The following KATNAL2 variants were observed in gnomAD, a reference collection of about 807,000 sequenced individuals.
KATNAL2 encodes the protein katanin catalytic subunit A1 like 2, also known as katanin p60 ATPase-containing subunit A-like 2.
Under a neutral mutation model 76.3 loss-of-function variants are expected in KATNAL2, and 52 were observed. The observed-to-expected ratio is 0.68, with a 90% CI of 0.55 to 0.86. The LOEUF is 0.86. KATNAL2 is among the 40% of genes least tolerant of loss of function. KATNAL2 has a pLI of 0.00. For missense variants in KATNAL2, 660 were observed against 668.9 expected, an observed-to-expected ratio of 0.99 and a Z score of 0.15; for synonymous variants, 243 against 244.2, an observed-to-expected ratio of 1.00 and a Z score of 0.05.
At chr18:47,098,481 C>G (rs550475620) in intron 15 of KATNAL2, 1 of 161,762 alleles carries the variant, frequency 6.2e-6, no homozygotes, top group East Asian at 1.8e-4. Context: ...GTGGTGGAAA[C>G]TGCTCACGAT....
At position 46,946,321 on chromosome 18, in the gene KATNAL2, C is replaced by A. The variant is rs1208455082; in HGVS notation, c.-245C>A. On this transcript the variant is annotated 5_prime_UTR_variant, in exon 2 of 18. Transcript: ENST00000683218. ...GAGGAGAAGGGGAAGTTTGGTGATG[C>A]ACAGTTTGCATCCCAGAAGGCTCTT... 1 of 1,037,554 alleles carries A rather than the reference C, an allele frequency of 9.6e-7. No homozygotes were observed. The highest frequency in any genetic ancestry group is 3.3e-5 in the South Asian group (1 of 29,994). 64.3% of individuals were successfully genotyped at this position (1,037,554 alleles called of 1,614,324 possible).
At chr18:47,095,835 T>C (rs1289041804) in intron 15 of KATNAL2, among the ~76,000 whole-genome samples, 2 of 152,196 alleles carry the variant, frequency 1.3e-5, no homozygotes, top group Non-Finnish European at 1.5e-5. Context: ...GAAGAAACCA[T>C]CTGAAGCAAA....
At chr18:46,949,899 G>A (rs2059498983) in intron 3 of KATNAL2, among the ~76,000 whole-genome samples, 1 of 152,158 alleles carries the variant, frequency 6.6e-6, no homozygotes, top group African/African-American at 2.4e-5. Context: ...CCAATGATCA[G>A]GGTGATTTTC....
chr18:46,925,372 G>A (rs1185307862), intron 1 of KATNAL2, among the ~76,000 whole-genome samples: 2 of 152,156 alleles, frequency 1.3e-5, no homozygotes, highest in South Asian at 2.1e-4. Flanking sequence ...CTGTTTATAT[G>A]TTGGATTACA....
intron 1 of KATNAL2, among the ~76,000 whole-genome samples, chr18:46,929,299 A>G (rs990564672): frequency 1.3e-5 from 2 of 151,492 alleles, no homozygotes; most frequent in African/African-American, 4.8e-5. Context: ...CTGGAGTGCA[A>G]TGGCATGATC....
At chr18:47,084,847 TAAAAAAAAA>T (rs34034453) in intron 15 of KATNAL2, among the ~76,000 whole-genome samples, 8 of 25,534 alleles carry the variant, frequency 3.1e-4, no homozygotes, top group South Asian at 2.2e-3. Context: ...AGACTCTGTC[TAAAAAAAAA>T]AAAAAAAAAA....
chr18:47,025,500 T>G lies in KATNAL2; in HGVS notation c.52-20957T>G, dbSNP rs1420572005. Among the ~76,000 whole-genome samples the G allele has an allele frequency of 2.5e-4, 38 of 151,848 alleles. No homozygotes were observed. The South Asian group carries it at 7.6e-3, about 31-fold the overall frequency. ...TCACATGACTTTCTCTCTCTCTCTC[T>G]CAGTGTGTGTGTGTGTGTGTGTGTG... On this transcript the variant is annotated intron_variant, in intron 3 of 17. Transcript: ENST00000683218.
intron 3 of KATNAL2, among the ~76,000 whole-genome samples, chr18:47,037,225 A>G (rs1222116942): frequency 1.3e-5 from 2 of 152,228 alleles, no homozygotes; most frequent in African/African-American, 4.8e-5. Flanking sequence ...TTTCCTAAAT[A>G]TCTTCTGGGT....
At position 47,051,791 on chromosome 18, in the gene KATNAL2, T is replaced by C. The variant is rs149273642; in HGVS notation, c.123-1089T>C. On this transcript the variant is annotated intron_variant, in intron 4 of 17. Transcript: ENST00000683218. The stretch of plus-strand genomic sequence containing the variant: ...CTTTTAAGAAAGTTCAGGCTAGGCA[T>C]AGTGGCTCACACCTGTAATCCCAAC... 1.2e-3 allele frequency among the ~76,000 whole-genome samples: 178 copies of C among 152,218 alleles called. No individual in the cohort carries two copies. The Middle Eastern group carries it at 0.017, about 15-fold the overall frequency.
chr18:47,055,136 G>C (rs1030657883), intron 6 of KATNAL2, among the ~76,000 whole-genome samples: 3 of 151,912 alleles, frequency 2.0e-5, no homozygotes, highest in African/African-American at 7.3e-5. Flanking sequence ...CATTCCTCTC[G>C]CCCCACTCCC....
In KATNAL2 at chr18:46,947,444, A is replaced by G. The variant is rs532471052; in HGVS notation, c.51+521A>G. Among the ~76,000 whole-genome samples, 8 of 152,094 alleles carry G rather than the reference A, an allele frequency of 5.3e-5. No homozygotes were observed. The South Asian group carries it at 1.7e-3, about 31-fold the overall frequency. On this transcript the variant is annotated intron_variant, in intron 3 of 17. Coordinates refer to ENST00000683218, the MANE Select transcript of KATNAL2 (RefSeq NM_001387690.1). ...GTAATCTTTTTCACACGAAGATTACATGAGCTCTACAATACATTAAGTGGT... is the reference window on the plus strand; with the variant it reads ...GTAATCTTTTTCACACGAAGATTACGTGAGCTCTACAATACATTAAGTGGT...
chr18:47,095,836 C>A (rs551439434), intron 15 of KATNAL2, among the ~76,000 whole-genome samples: 9 of 152,322 alleles, frequency 5.9e-5, no homozygotes, highest in Admixed American at 3.3e-4. Context: ...AAGAAACCAT[C>A]TGAAGCAAAG....
At chr18:47,049,741 G>C (rs2061281779) in intron 4 of KATNAL2, among the ~76,000 whole-genome samples, 1 of 152,002 alleles carries the variant, frequency 6.6e-6, no homozygotes, top group South Asian at 2.1e-4. Context: ...TTGGAGACAG[G>C]GTCTCACCTA....
At chr18:46,950,935 C>T (rs907055867) in intron 3 of KATNAL2, among the ~76,000 whole-genome samples, 63 of 152,172 alleles carry the variant, frequency 4.1e-4, no homozygotes, top group African/African-American at 1.4e-3. Flanking sequence ...CTGCCTGCCT[C>T]GGCCTCCCAA....
chr18:46,921,133 G>T (rs2058515944), intron 1 of KATNAL2, among the ~76,000 whole-genome samples: 1 of 152,062 alleles, frequency 6.6e-6, no homozygotes. Context: ...TTTTGTTTCT[G>T]TTTTTGCTTT....
At chr18:47,076,594 C>T (rs796067068) in intron 14 of KATNAL2, 4 of 152,108 alleles carry the variant, frequency 2.6e-5, no homozygotes, top group African/African-American at 9.6e-5. Context: ...GGTTCTGCCC[C>T]GAATTTCCAT....
At chr18:46,955,140 C>CTCTCTTTCTT (rs1555834717) in intron 3 of KATNAL2, among the ~76,000 whole-genome samples, 2,122 of 85,014 alleles carry the variant, frequency 0.025, 57 homozygotes, top group Middle Eastern at 0.059. Flanking sequence ...CTTTCTCTCT[C>CTCTCTTTCTT]TCTTTCTTTC....
chr18:47,037,068 A>T (rs3809964), intron 3 of KATNAL2, among the ~76,000 whole-genome samples: 1 of 152,128 alleles, frequency 6.6e-6, no homozygotes, highest in Non-Finnish European at 1.5e-5. Flanking sequence ...ATGCTTTTTA[A>T]CTGTTTGTTT....
intron 13 of KATNAL2, among the ~76,000 whole-genome samples, chr18:47,070,910 C>T (rs556200758): frequency 1.3e-5 from 2 of 152,232 alleles, no homozygotes; most frequent in South Asian, 2.1e-4. Context: ...GTGCCAGTTC[C>T]GAAGATGGGG....
Sources: allele counts gnomAD v4.1 joint callset (sites outside exome capture counted in the v4.1 genomes callset), GRCh38; gene constraint gnomAD v4.1.1; transcripts MANE v1.5; gene names NCBI Gene and HGNC (gene_info 2026-07-23, HGNC 2026-07-21).